Variants in PRKCZ observed in about 807,000 individuals in gnomAD.
PRKCZ encodes the protein protein kinase C zeta type.
PRKCZ carries 33 observed loss-of-function variants against 79.5 expected under a neutral mutation model. The observed-to-expected ratio is 0.41, with a 90% CI of 0.31 to 0.55. The LOEUF is 0.55. PRKCZ is among the 20% of genes least tolerant of loss of function. The pLI, the probability that PRKCZ is intolerant of heterozygous loss-of-function variation, is 0.19. For missense variants in PRKCZ, 578 were observed against 813.5 expected (o/e 0.71, Z 3.52); for synonymous variants, 342 against 320.9 (o/e 1.07, Z -0.70).
At chr1:2,153,802 G>A (rs1260517830) in intron 9 of PRKCZ, among the ~76,000 whole-genome samples, 2 of 152,244 alleles carry the variant, frequency 1.3e-5, no homozygotes, top group African/African-American at 2.4e-5. Flanking sequence ...CCGGGATGCC[G>A]AGGTGGGGAC....
intron 4 of PRKCZ, among the ~76,000 whole-genome samples, chr1:2,106,405 CCCTCTAGTGGGCGAGGA>C (rs1274155324): frequency 7.2e-5 from 11 of 152,164 alleles, no homozygotes; most frequent in African/African-American, 2.7e-4. Context: ...CTCAGCAAGC[CCCTCTAGTGGGCGAGGA>C]CCTCCACACG....
chr1:2,184,943 C>A lies in PRKCZ; in HGVS notation c.1713C>A (p.Asp571Glu). 6.2e-7 allele frequency: 1 copy of A among 1,613,926 alleles called. No homozygotes were observed. The highest frequency in any genetic ancestry group is 8.5e-7 in the Non-Finnish European group (1 of 1,179,962). ...PDDEDAIKRIDQSEFEGFEYI... is the reference protein window; with the variant it reads ...PDDEDAIKRIEQSEFEGFEYI... ...ACAGGGATGCCATAAAGAGGATCGA[C>A]CAGTCAGAGTTCGAAGGCTTTGAGT... Residue 571 changes from aspartate to glutamate, a missense_variant, in exon 18 of 18, where the codon GAC (aspartate) becomes GAA (glutamate). Transcript: ENST00000378567.
chr1:2,178,058 C>T lies in PRKCZ; in HGVS notation c.1575+2745C>T, dbSNP rs988987432. The stretch of plus-strand genomic sequence containing the variant: ...GGGTTGGTGTGGGGTCACCACCACC[C>T]CCATGTGACCTTGGCAGAAGGAAGG... On this transcript the variant is annotated intron_variant, in intron 16 of 17. Transcript: ENST00000378567. The surrounding 1 kb of genome is among the most constrained non-coding windows in gnomAD (Gnocchi z 4.3). Among the ~76,000 whole-genome samples the T allele has an allele frequency of 1.3e-5, 2 of 152,214 alleles. No homozygotes were observed. Among genetic ancestry groups the T allele is most frequent in the African/African-American group, 2.4e-5 (1 of 41,464 alleles).
At chr1:2,144,478 G>A in intron 6 of PRKCZ, 137 bp downstream of exon 6, 1 of 1,457,650 alleles carries the variant, frequency 6.9e-7, no homozygotes, top group Non-Finnish European at 9.1e-7. Flanking sequence ...CTGGGCTGCA[G>A]CGTGAGACTC....
chr1:2,111,247 A>G (rs1389868696), intron 4 of PRKCZ, among the ~76,000 whole-genome samples: 1 of 152,076 alleles, frequency 6.6e-6, no homozygotes, highest in Non-Finnish European at 1.5e-5. Flanking sequence ...AAAGAGGCAG[A>G]GAAGGTGTCT....
intron 4 of PRKCZ, among the ~76,000 whole-genome samples, chr1:2,104,415 G>A (rs1668013056): frequency 6.6e-6 from 1 of 152,160 alleles, no homozygotes; most frequent in African/African-American, 2.4e-5. Context: ...GGAAGAAGGT[G>A]GCCTGAACCT....
intron 4 of PRKCZ, among the ~76,000 whole-genome samples, chr1:2,063,499 G>A (rs1660873449): frequency 6.6e-6 from 1 of 152,140 alleles, no homozygotes; most frequent in African/African-American, 2.4e-5. Context: ...TTTTTGTAGA[G>A]ACAGGGTTTC....
rs1205762021 is a variant in PRKCZ, at chr1:2,127,263, C to T, written c.335-7999C>T. Among the ~76,000 whole-genome samples the T allele has an allele frequency of 1.3e-5, 2 of 152,232 alleles. No individual in the cohort carries two copies. The highest frequency in any genetic ancestry group is 2.4e-5 in the African/African-American group (1 of 41,448). ...TGACTTTAGTGTTATTCTTCAGTCA[C>T]CTTTAAAAGCATAGCATGTTTTCAA... On this transcript the variant is annotated intron_variant, in intron 4 of 17. Coordinates refer to ENST00000378567, the MANE Select transcript of PRKCZ (RefSeq NM_002744.6). This position sits in a 1 kb window ranked among gnomAD's most constrained non-coding sequence, Gnocchi z 5.1.
intron 4 of PRKCZ, among the ~76,000 whole-genome samples, chr1:2,084,731 G>A (rs115542208): frequency 6.6e-6 from 1 of 152,288 alleles, no homozygotes; most frequent in Non-Finnish European, 1.5e-5. Flanking sequence ...TCAGCTGGGC[G>A]CAGTGGCTCA....
Position 2,077,928 on chromosome 1 carries a change from A to C in PRKCZ, c.334+18337A>C, listed in dbSNP as rs181861532. Among the ~76,000 whole-genome samples, 4 of 152,346 alleles carry C rather than the reference A, an allele frequency of 2.6e-5. No homozygotes were observed. The East Asian group carries it at 7.7e-4, about 29-fold the overall frequency. On this transcript the variant is annotated intron_variant, in intron 4 of 17. Transcript: ENST00000378567. Reference sequence around the variant, plus strand: ...CTAATTGCGGGTGACGTGAATATGCATGAGCTACCATGATTGCATTCCCTT... The same window carrying C: ...CTAATTGCGGGTGACGTGAATATGCCTGAGCTACCATGATTGCATTCCCTT...
chr1:2,114,451 A>C (rs1255836810), intron 4 of PRKCZ, among the ~76,000 whole-genome samples: 2 of 152,250 alleles, frequency 1.3e-5, no homozygotes, highest in African/African-American at 4.8e-5. Flanking sequence ...ACAAAAGTTA[A>C]GCTTACAGAG....
chr1:2,086,570 T>C (rs1234521179), intron 4 of PRKCZ, among the ~76,000 whole-genome samples: 1 of 152,234 alleles, frequency 6.6e-6, no homozygotes, highest in African/African-American at 2.4e-5. Context: ...CTCGGCCCTT[T>C]CTGCTCCAGG....
At chr1:2,061,964 G>C (rs1660715458) in intron 4 of PRKCZ, among the ~76,000 whole-genome samples, 1 of 152,166 alleles carries the variant, frequency 6.6e-6, no homozygotes, top group Non-Finnish European at 1.5e-5. Context: ...CACTGCCCAG[G>C]CTGAGGGTCA....
chr1:2,107,962 G>C (rs999419317), intron 4 of PRKCZ, among the ~76,000 whole-genome samples: 28 of 150,318 alleles, frequency 1.9e-4, no homozygotes, highest in Non-Finnish European at 2.4e-4. Context: ...GCAGTGTCAA[G>C]GGAGCCCCCA....
rs70937048 is a variant in PRKCZ, at chr1:2,174,035, G to A, written c.1405+19G>A. On this transcript the variant is annotated intron_variant, in intron 14 of 17. Coordinates refer to ENST00000378567, the MANE Select transcript of PRKCZ (RefSeq NM_002744.6). The surrounding 1 kb of genome is among the most constrained non-coding windows in gnomAD (Gnocchi z 6.2). ...TTCCAAGGTGCGTGCCCCGCTGTGCGTTCGTACCCCTCACCTGCACGACTG... is the reference window on the plus strand; with the variant it reads ...TTCCAAGGTGCGTGCCCCGCTGTGCATTCGTACCCCTCACCTGCACGACTG... 236 of 1,581,056 alleles carry A rather than the reference G, an allele frequency of 1.5e-4. 1 individual carries two copies. In the East Asian group the frequency reaches 5.1e-3, roughly 34 times the overall value.
At chr1:2,073,051 T>G (rs948959666) in intron 4 of PRKCZ, among the ~76,000 whole-genome samples, 3 of 151,870 alleles carry the variant, frequency 2.0e-5, no homozygotes, top group Non-Finnish European at 4.4e-5. Context: ...GGTTGGAGGG[T>G]CAGGCCACCC....
intron 4 of PRKCZ, among the ~76,000 whole-genome samples, chr1:2,078,055 A>C (rs1223476030): frequency 6.6e-6 from 1 of 152,112 alleles, no homozygotes; most frequent in African/African-American, 2.4e-5. Context: ...TCCTCTTCCC[A>C]GAAGAGGGGC....
intron 4 of PRKCZ, among the ~76,000 whole-genome samples, chr1:2,110,736 T>C (rs1362003054): frequency 2.5e-5 from 1 of 39,590 alleles, no homozygotes; most frequent in Non-Finnish European, 5.1e-5. Context: ...TGGGGTGGGC[T>C]GGGTCCTGAG....
intron 10 of PRKCZ, among the ~76,000 whole-genome samples, chr1:2,161,036 G>T (rs567492946): frequency 6.6e-6 from 1 of 152,116 alleles, no homozygotes; most frequent in Non-Finnish European, 1.5e-5. Flanking sequence ...CTTGGGAAGG[G>T]CAGGTGCCTC....
Sources: gnomAD v4.1 joint callset for allele counts (sites outside exome capture counted in the v4.1 genomes callset) on GRCh38, gnomAD v4.1.1 for gene constraint, Gnocchi (gnomAD v3.1) non-coding constraint, MANE v1.5 for transcripts, NCBI Gene and HGNC (gene_info 2026-07-23, HGNC 2026-07-21) for gene names.